The following TMEM108 variants were observed in gnomAD, a reference collection of about 807,000 sequenced individuals.
TMEM108 encodes the protein transmembrane protein 108, also known as cancer/testis antigen 124.
A neutral mutation model predicts 35.1 loss-of-function variants in TMEM108; 12 were observed. The observed-to-expected ratio is 0.34, with a 90% CI of 0.22 to 0.55. The LOEUF (loss-of-function observed/expected upper bound fraction) is 0.55, where lower values mean the gene tolerates loss of function less well. TMEM108 is among the 20% of genes least tolerant of loss of function. TMEM108 has a pLI of 0.89. For synonymous variants in TMEM108, 287 were observed against 308.6 expected, an observed-to-expected ratio of 0.93 and a Z score of 0.73; for missense variants, 680 against 753.3, an observed-to-expected ratio of 0.90 and a Z score of 1.14.
chr3:133,272,369 A>C (rs1339508302), intron 3 of TMEM108, among the ~76,000 whole-genome samples: 1 of 151,596 alleles, frequency 6.6e-6, no homozygotes, highest in African/African-American at 2.4e-5. Flanking sequence ...AACTTCCTTG[A>C]TGTACAGAAA....
intron 2 of TMEM108, among the ~76,000 whole-genome samples, chr3:133,172,704 A>G (rs1945147938): frequency 6.6e-6 from 1 of 152,222 alleles, no homozygotes; most frequent in Non-Finnish European, 1.5e-5. Flanking sequence ...TAAGATTTTA[A>G]AAAAGGACTT....
chr3:133,344,705 A>G (rs534473829), intron 3 of TMEM108, among the ~76,000 whole-genome samples: 8 of 151,996 alleles, frequency 5.3e-5, no homozygotes, highest in African/African-American at 1.9e-4. Context: ...CAGTCTAGTA[A>G]GGGAAAATGT....
chr3:133,317,788 G>T (rs776406492), intron 3 of TMEM108, among the ~76,000 whole-genome samples: 1 of 152,112 alleles, frequency 6.6e-6, no homozygotes, highest in African/African-American at 2.4e-5. Context: ...AAACAAAACC[G>T]AACAAATCCT....
At chr3:133,319,827 CCCTTCATGGGA>C (rs1212392917) in intron 3 of TMEM108, among the ~76,000 whole-genome samples, 5 of 152,156 alleles carry the variant, frequency 3.3e-5, no homozygotes, top group African/African-American at 1.2e-4. Context: ...GGGAAGGGGA[CCCTTCATGGGA>C]CCTTCATGAG....
chr3:133,138,618 C>A (rs1325239132), intron 2 of TMEM108, among the ~76,000 whole-genome samples: 1 of 151,922 alleles, frequency 6.6e-6, no homozygotes, highest in Non-Finnish European at 1.5e-5. Context: ...GACATCCCTG[C>A]CAAAGGTTGA....
intron 4 of TMEM108, chr3:133,389,164 C>G: frequency 1.0e-6 from 1 of 985,700 alleles, no homozygotes; most frequent in South Asian, 4.7e-5. Flanking sequence ...GCCACCCCAC[C>G]TCTCTGACCT....
At chr3:133,175,087 T>C (rs1314866760) in intron 2 of TMEM108, among the ~76,000 whole-genome samples, 1 of 151,934 alleles carries the variant, frequency 6.6e-6, no homozygotes, top group African/African-American at 2.4e-5. Context: ...TGATTGAAGA[T>C]CAAATGAATG....
intron 2 of TMEM108, chr3:133,074,308 T>C (rs1165951616): frequency 6.6e-6 from 1 of 152,174 alleles, no homozygotes; most frequent in Non-Finnish European, 1.5e-5. Context: ...TTTGTTTTCA[T>C]GTACAGATGC....
At chr3:133,177,737 C>T (rs1945259408) in intron 2 of TMEM108, among the ~76,000 whole-genome samples, 1 of 152,150 alleles carries the variant, frequency 6.6e-6, no homozygotes, top group Admixed American at 6.5e-5. Context: ...GAAGCATTCC[C>T]TTTGAAAACT....
intron 4 of TMEM108, chr3:133,387,955 A>G (rs1317642489): frequency 2.0e-6 from 2 of 985,420 alleles, no homozygotes; most frequent in Non-Finnish European, 2.4e-6. Flanking sequence ...GAGGCGTGCA[A>G]ACTATACAAA....
intron 3 of TMEM108, among the ~76,000 whole-genome samples, chr3:133,299,962 A>C (rs553932994): frequency 6.6e-6 from 1 of 152,324 alleles, no homozygotes; most frequent in Admixed American, 6.5e-5. Flanking sequence ...CAGAGTAAGA[A>C]GAAATAGAAA....
At chr3:133,258,930 T>C (rs755090817) in intron 3 of TMEM108, among the ~76,000 whole-genome samples, 1 of 152,240 alleles carries the variant, frequency 6.6e-6, no homozygotes, top group Non-Finnish European at 1.5e-5. Flanking sequence ...GAGAGAATGA[T>C]TTGAAAATAA....
intron 3 of TMEM108, among the ~76,000 whole-genome samples, chr3:133,274,628 G>T (rs1434461888): frequency 6.6e-6 from 1 of 152,182 alleles, no homozygotes; most frequent in Non-Finnish European, 1.5e-5. Context: ...ACAGTGGTGT[G>T]CTGTTGGGCA....
intron 3 of TMEM108, among the ~76,000 whole-genome samples, chr3:133,235,346 C>T (rs1576401456): frequency 6.6e-6 from 1 of 152,248 alleles, no homozygotes; most frequent in African/African-American, 2.4e-5. Context: ...TACCTGACTT[C>T]AAACTATACT....
intron 3 of TMEM108, among the ~76,000 whole-genome samples, chr3:133,361,822 T>A (rs940984910): frequency 2.0e-5 from 3 of 152,136 alleles, no homozygotes; most frequent in African/African-American, 2.4e-5. Flanking sequence ...CCTGGCCATA[T>A]GAAAGAGGAG....
At chr3:133,158,926 G>T (rs1944920876) in intron 2 of TMEM108, among the ~76,000 whole-genome samples, 1 of 151,984 alleles carries the variant, frequency 6.6e-6, no homozygotes, top group African/African-American at 2.4e-5. Flanking sequence ...CAGAATAACA[G>T]CTCAGGCCAT....
chr3:133,073,399 T>C (rs1362086811), intron 2 of TMEM108, among the ~76,000 whole-genome samples: 1 of 151,108 alleles, frequency 6.6e-6, no homozygotes, highest in African/African-American at 2.4e-5. Flanking sequence ...GTGCCTGGCT[T>C]ATTTCACTTA....
At chr3:133,040,190 T>TTTTG (rs199853605) in intron 1 of TMEM108, among the ~76,000 whole-genome samples, 1 of 144,718 alleles carries the variant, frequency 6.9e-6, no homozygotes, top group Non-Finnish European at 1.5e-5. Flanking sequence ...TCACAGTTTT[T>TTTTG]TTTGTTTGTT....
At chr3:133,309,713 T>G (rs2071096826) in intron 3 of TMEM108, among the ~76,000 whole-genome samples, 1 of 110,498 alleles carries the variant, frequency 9.0e-6, no homozygotes, top group East Asian at 3.2e-4. Flanking sequence ...TTTTTTTTTT[T>G]TTTTTGAGAC....
Sources: allele counts gnomAD v4.1 joint callset (sites outside exome capture counted in the v4.1 genomes callset), GRCh38; gene constraint gnomAD v4.1.1; transcripts MANE v1.5; gene names NCBI Gene and HGNC (gene_info 2026-07-23, HGNC 2026-07-21).